TSHZ2: variants seen among roughly 807,000 people sequenced by gnomAD.
TSHZ2 encodes teashirt zinc finger homeobox 2.
Under a neutral mutation model 74.4 loss-of-function variants are expected in TSHZ2, and 21 were observed. The observed-to-expected ratio is 0.28, with a 90% CI of 0.20 to 0.41. The LOEUF is 0.41. Among genes scored for constraint, TSHZ2 ranks in the 10% least tolerant of loss-of-function variants. TSHZ2 has a pLI of 1.00. For missense variants in TSHZ2, 1,244 were observed against 1,293.5 expected (o/e 0.96, Z 0.59); for synonymous variants, 540 against 515.3 (o/e 1.05, Z -0.65).
At chr20:53,307,375 A>G (rs990360935) in intron 2 of TSHZ2, among the ~76,000 whole-genome samples, 5 of 152,170 alleles carry the variant, frequency 3.3e-5, no homozygotes, top group African/African-American at 1.2e-4. Context: ...CCTGGTCCCC[A>G]TTGGATGGGC....
chr20:53,096,135 T>C (rs1986037308), intron 1 of TSHZ2, among the ~76,000 whole-genome samples: 1 of 152,126 alleles, frequency 6.6e-6, no homozygotes, highest in South Asian at 2.1e-4. Flanking sequence ...TGTTTTTTGT[T>C]TGTCTGTTTG....
In TSHZ2 at chr20:53,253,750, G is replaced by T. The variant is rs375092982; in HGVS notation, c.292G>T (p.Val98Phe). ...TGATCAGGTGTCGGACATCAAGAGT[G>T]TCTGCGGCAGAGATGCCTCAGACAA... ...ASDQVSDIKSVCGRDASDKKA... is the reference protein window; with the variant it reads ...ASDQVSDIKSFCGRDASDKKA... The change falls in exon 2 of 3, where the codon GTC becomes TTC. Residue 98 changes from valine (V) to phenylalanine (F), a missense_variant. Around this residue, in one of 6 missense-constraint regions of TSHZ2, gnomAD observed 470 missense variants for 456.5 expected, o/e 1.03. Transcript: ENST00000371497. 3 of 1,614,110 alleles carry T rather than the reference G, an allele frequency of 1.9e-6. No homozygotes were observed. The highest frequency in any genetic ancestry group is 2.5e-6 in the Non-Finnish European group (3 of 1,180,054).
chr20:53,316,405 G>C (rs371704426), intron 2 of TSHZ2, among the ~76,000 whole-genome samples: 82 of 152,264 alleles, frequency 5.4e-4, no homozygotes, highest in African/African-American at 1.9e-3. Flanking sequence ...GTAGTAGGGG[G>C]TTGGTGTTGG....
chr20:53,388,369 G>A (rs561084354), intron 2 of TSHZ2, among the ~76,000 whole-genome samples: 3 of 152,126 alleles, frequency 2.0e-5, no homozygotes, highest in South Asian at 4.1e-4. Context: ...TGGGCTTTGG[G>A]GGTATAAAAA....
At chr20:52,981,579 C>G (rs1251429210) in intron 1 of TSHZ2, among the ~76,000 whole-genome samples, 1 of 152,132 alleles carries the variant, frequency 6.6e-6, no homozygotes, top group African/African-American at 2.4e-5. Context: ...CCAGTTATCA[C>G]AGAACAAGGG....
At chr20:53,415,609 TATA>T (rs1348597386) in intron 2 of TSHZ2, among the ~76,000 whole-genome samples, 2 of 152,204 alleles carry the variant, frequency 1.3e-5, no homozygotes. Context: ...CCCAAATCTG[TATA>T]ATATCCTAAC....
At position 53,256,285 on chromosome 20, in the gene TSHZ2, A is replaced by G. The variant is rs1221910481; in HGVS notation, c.2827A>G (p.Ser943Gly). The G allele has an allele frequency of 1.2e-6, 2 of 1,614,092 alleles. No individual in the cohort carries two copies. Among genetic ancestry groups the G allele is most frequent in the Non-Finnish European group, 1.7e-6 (2 of 1,179,964 alleles). ...GTTCAGAACCCCTTCTACCTACATC[A>G]GTCACTTAGAATCTCACCTGGGTTT... is the stretch of plus-strand genomic sequence containing the variant. ...SQFRTPSTYI[S>G]HLESHLGFQM... Residue 943 changes from serine to glycine, a missense_variant, in exon 2 of 3, where the codon AGT (serine) becomes GGT (glycine). This residue lies in a region of TSHZ2 where 185 missense variants were observed against 213.3 expected (regional missense o/e 0.87). Transcript: ENST00000371497. This position sits in a 1 kb window ranked among gnomAD's most constrained non-coding sequence, Gnocchi z 4.3.
intron 1 of TSHZ2, among the ~76,000 whole-genome samples, chr20:53,189,822 G>A (rs569033015): frequency 1.2e-3 from 176 of 151,810 alleles, no homozygotes; most frequent in African/African-American, 1.9e-3. Flanking sequence ...AATGGCTCAC[G>A]CCTACAATCC....
chr20:53,425,897 C>T (rs1170369130), intron 2 of TSHZ2, among the ~76,000 whole-genome samples: 2 of 151,958 alleles, frequency 1.3e-5, no homozygotes, highest in East Asian at 3.8e-4. Flanking sequence ...CCATCCCTCC[C>T]TTACATAGAA....
At chr20:53,473,061 A>C (rs6022511) in intron 2 of TSHZ2, among the ~76,000 whole-genome samples, 2 of 146,246 alleles carry the variant, frequency 1.4e-5, no homozygotes, top group Non-Finnish European at 3.0e-5. Flanking sequence ...AAACTGCAAG[A>C]TGGCAGTGAG....
In TSHZ2 at chr20:53,254,151, T is replaced by A; in HGVS notation, c.693T>A (p.Thr231=). 1 of 1,614,040 alleles carries A rather than the reference T, an allele frequency of 6.2e-7. No homozygotes were observed. The highest frequency in any genetic ancestry group is 8.5e-7 in the Non-Finnish European group (1 of 1,180,006). Residue 231 remains threonine (T), a synonymous_variant, in exon 2 of 3, where the codon ACT becomes ACA. Transcript: ENST00000371497. Reference sequence around the variant, plus strand: ...CCTATGACACCCTAGTCGAGCTGACTGTGCACATGAATGAAACGGGCCACT... The same window carrying A: ...CCTATGACACCCTAGTCGAGCTGACAGTGCACATGAATGAAACGGGCCACT... ...SAAYDTLVEL[T]VHMNETGHYQ...
intron 2 of TSHZ2, among the ~76,000 whole-genome samples, chr20:53,274,099 A>G (rs998982281): frequency 6.6e-6 from 1 of 152,104 alleles, no homozygotes; most frequent in Non-Finnish European, 1.5e-5. Flanking sequence ...GTGAGACCTC[A>G]TATCTACTAA....
chr20:53,174,638 G>A (rs1483797521), intron 1 of TSHZ2, among the ~76,000 whole-genome samples: 1 of 152,180 alleles, frequency 6.6e-6, no homozygotes, highest in Non-Finnish European at 1.5e-5. Flanking sequence ...GGCACTCAAG[G>A]CTTAGCTATC....
At chr20:53,288,362 C>T (rs1686505645) in intron 2 of TSHZ2, among the ~76,000 whole-genome samples, 1 of 150,848 alleles carries the variant, frequency 6.6e-6, no homozygotes, top group East Asian at 1.9e-4. Context: ...CGAGATCACA[C>T]CACTGCACAC....
chr20:53,298,729 T>C (rs1314928848), intron 2 of TSHZ2, among the ~76,000 whole-genome samples: 1 of 152,158 alleles, frequency 6.6e-6, no homozygotes, highest in Non-Finnish European at 1.5e-5. Flanking sequence ...TGAGAGAACA[T>C]ACTGGGATGC....
At chr20:53,417,081 C>T (rs1404831900) in intron 2 of TSHZ2, among the ~76,000 whole-genome samples, 2 of 152,306 alleles carry the variant, frequency 1.3e-5, no homozygotes, top group Non-Finnish European at 2.9e-5. Flanking sequence ...GGCCTGCACC[C>T]TCCCTCCTCC....
At chr20:53,051,033 C>T (rs938386753) in intron 1 of TSHZ2, among the ~76,000 whole-genome samples, 2 of 152,150 alleles carry the variant, frequency 1.3e-5, no homozygotes, top group African/African-American at 4.8e-5. Context: ...CCTAACAGAA[C>T]TCCTTATTCA....
At chr20:53,029,812 G>A (rs1983572760) in intron 1 of TSHZ2, among the ~76,000 whole-genome samples, 1 of 152,054 alleles carries the variant, frequency 6.6e-6, no homozygotes, top group Non-Finnish European at 1.5e-5. Context: ...AACTCAAAGT[G>A]GGAGGAGCTT....
At chr20:53,146,402 A>C (rs1488486257) in intron 1 of TSHZ2, among the ~76,000 whole-genome samples, 2 of 152,148 alleles carry the variant, frequency 1.3e-5, no homozygotes, top group African/African-American at 4.8e-5. Context: ...GAGAGATAAC[A>C]TGGAGCTATT....
Sources: gnomAD v4.1 joint callset for allele counts (sites outside exome capture counted in the v4.1 genomes callset) on GRCh38, gnomAD v4.1.1 for gene constraint, gnomAD v4.1.1 regional missense constraint, Gnocchi (gnomAD v3.1) non-coding constraint, MANE v1.5 for transcripts, NCBI Gene and HGNC (gene_info 2026-07-23, HGNC 2026-07-21) for gene names.